Variants in CPA5 observed in about 807,000 individuals in gnomAD.
The protein encoded by CPA5 is carboxypeptidase A5.
In CPA5, 38 loss-of-function variants were observed where a neutral mutation model predicts 52.2. The observed-to-expected ratio is 0.73, with a 90% confidence interval of 0.56 to 0.95. The LOEUF (loss-of-function observed/expected upper bound fraction) is 0.95. CPA5 is among the 40% of genes least tolerant of loss of function. CPA5 has a pLI of 0.00. For synonymous variants in CPA5, 198 were observed against 213.7 expected (o/e 0.93, Z 0.64); for missense variants, 519 against 566.7 (o/e 0.92, Z 0.86).
At position 130,368,722 on chromosome 7, in the gene CPA5, T is replaced by C; in HGVS notation, c.*125T>C. On this transcript the variant is annotated 3_prime_UTR_variant, in exon 13 of 13. Coordinates refer to ENST00000474905, the MANE Select transcript of CPA5 (RefSeq NM_080385.5). ...ACCTCTTAGAAAATAAATACAAGTT[T>C]GAACAGGCTTCGCTGCCTCTCGTGT... 9.9e-7 allele frequency: 1 copy of C among 1,007,970 alleles called. No homozygotes were observed. Among genetic ancestry groups the C allele is most frequent in the South Asian group, 1.6e-5 (1 of 64,014 alleles). 62.4% of individuals were successfully genotyped at this position (1,007,970 alleles called of 1,614,324 possible). A position where few individuals can be genotyped will look rare whatever the true frequency, so the allele number is the denominator to read the frequency against.
intron 7 of CPA5, among the ~76,000 whole-genome samples, 175 bp from the exon 8 acceptor site, chr7:130,362,263 C>T: frequency 6.6e-6 from 1 of 152,194 alleles, no homozygotes; most frequent in East Asian, 1.9e-4. Flanking sequence ...TTCAAAGGCC[C>T]TCACACGTGT....
chr7:130,353,356 T>C (rs2117345984), intron 5 of CPA5, among the ~76,000 whole-genome samples: 1 of 152,230 alleles, frequency 6.6e-6, no homozygotes, highest in East Asian at 1.9e-4. Flanking sequence ...ACAGCACAAC[T>C]GGTCACTCTC....
chr7:130,351,206 C>A (rs1795120069), intron 5 of CPA5, among the ~76,000 whole-genome samples: 1 of 152,148 alleles, frequency 6.6e-6, no homozygotes, highest in Non-Finnish European at 1.5e-5. Flanking sequence ...CTAATGAAAT[C>A]CCCCACAAAC....
chr7:130,374,209 T>TGGCCTGCCGGCGTGGGACA, the CPA5 span, among the ~76,000 whole-genome samples: 1 of 152,150 alleles, frequency 6.6e-6, no homozygotes, highest in African/African-American at 2.4e-5. Flanking sequence ...TCCTCCAGCA[T>TGGCCTGCCGGCGTGGGACA]GGCCTGCCGG....
intron 3 of CPA5, among the ~76,000 whole-genome samples, chr7:130,347,170 G>T (rs879961896): frequency 1.3e-5 from 2 of 152,168 alleles, no homozygotes; most frequent in Non-Finnish European, 2.9e-5. Context: ...AGCCTGTGAG[G>T]GCACCAACCC....
At chr7:130,363,619 T>G in intron 10 of CPA5, 110 bp downstream of exon 10, 3 of 866,638 alleles carry the variant, frequency 3.5e-6, no homozygotes, top group Non-Finnish European at 3.7e-6. Flanking sequence ...CATGGGACAA[T>G]GTAGTCAGCT....
chr7:130,347,709 C>A, intron 3 of CPA5, 57 bp from the exon 4 acceptor site: 1 of 1,479,124 alleles, frequency 6.8e-7, no homozygotes, highest in East Asian at 2.3e-5. Context: ...CCAAGTGACA[C>A]AGCCTTCCAG....
intron 5 of CPA5, 36 bp downstream of exon 5, chr7:130,350,145 C>A: frequency 6.3e-7 from 1 of 1,591,552 alleles, no homozygotes; most frequent in Non-Finnish European, 8.5e-7. Flanking sequence ...CTGCCTTCCG[C>A]CTTCCTTTCT....
At chr7:130,365,585 G>A (rs1261565822) in intron 10 of CPA5, among the ~76,000 whole-genome samples, 1 of 152,244 alleles carries the variant, frequency 6.6e-6, no homozygotes, top group Non-Finnish European at 1.5e-5. Context: ...TCCATTAGCA[G>A]GTACTTGTGA....
chr7:130,344,860 C>T lies in CPA5; in HGVS notation c.-497C>T, dbSNP rs1483360189. On this transcript the variant is annotated 5_prime_UTR_variant, in exon 1 of 13. Coordinates refer to ENST00000474905, the MANE Select transcript of CPA5 (RefSeq NM_080385.5). ...TTTTACTCTTATTCTTTCTCTCTCACTCTCTCTCTTTTCCCACCCTTAAGC... is the reference window on the plus strand; with the variant it reads ...TTTTACTCTTATTCTTTCTCTCTCATTCTCTCTCTTTTCCCACCCTTAAGC... 6.6e-6 allele frequency: 1 copy of T among 152,184 alleles called. No homozygotes were observed. The highest frequency in any genetic ancestry group is 1.5e-5 in the Non-Finnish European group (1 of 68,030). The allele number at this position is 152,184 out of a possible 1,614,324, so 9.4% of individuals were successfully genotyped here. A position where few individuals can be genotyped will look rare whatever the true frequency, so the allele number is the denominator to read the frequency against.
intron 6 of CPA5, among the ~76,000 whole-genome samples, chr7:130,360,099 C>G (rs1554406211): frequency 6.6e-6 from 1 of 152,226 alleles, no homozygotes; most frequent in Non-Finnish European, 1.5e-5. Flanking sequence ...TAAATCCAGT[C>G]CTTATAGTTA....
chr7:130,359,732 C>T (rs781803316), intron 6 of CPA5, 45 bp downstream of exon 6: 2 of 1,369,462 alleles, frequency 1.5e-6, no homozygotes, highest in East Asian at 4.9e-5. Context: ...TGTCTTTGGG[C>T]CCCTTAGGGT....
chr7:130,368,743 C>T (rs1554409469), downstream of CPA5: 15 of 785,756 alleles, frequency 1.9e-5, no homozygotes, highest in Middle Eastern at 3.8e-4. Context: ...CGCTGCCTCT[C>T]GTGTTGGCTA....
rs1584839516 is a variant in CPA5, at chr7:130,367,557, A to C, written c.1024A>C (p.Asn342His). 2.5e-6 allele frequency: 4 copies of C among 1,614,012 alleles called. No homozygotes were observed. In the East Asian group the frequency reaches 8.9e-5, roughly 36 times the overall value. The change falls in exon 11 of 13, where the codon AAT becomes CAT. Residue 342 changes from asparagine (N) to histidine (H), a missense_variant. Physicochemically the swap from Asn to His is moderately conservative, Grantham distance 68 (BLOSUM62 1). Transcript: ENST00000474905. ...CGGCCGATTGCTGGAGCCCGTTTCA[A>C]ATCAGAGGGAGTTGGTGAGACTGGC... ...PYGRLLEPVS[N>H]QRELYDLAKD...
At chr7:130,373,369 T>A (rs1300338459), downstream of CPA5, among the ~76,000 whole-genome samples, 1 of 151,932 alleles carries the variant, frequency 6.6e-6, no homozygotes, top group Non-Finnish European at 1.5e-5. Flanking sequence ...TTTATGAGCA[T>A]TTATTTAAAA....
chr7:130,363,947 G>A (rs1438453598), intron 10 of CPA5, among the ~76,000 whole-genome samples: 1 of 152,160 alleles, frequency 6.6e-6, no homozygotes, highest in East Asian at 1.9e-4. Flanking sequence ...CTCTTTCCCC[G>A]AGAGCTAGGA....
intron 5 of CPA5, among the ~76,000 whole-genome samples, chr7:130,350,528 G>A (rs1470234549): frequency 1.3e-5 from 2 of 152,158 alleles, no homozygotes; most frequent in African/African-American, 4.8e-5. Context: ...ATGCCTGGGG[G>A]AACGGCTTTA....
Position 130,361,726 on chromosome 7 carries a change from C to G in CPA5, c.534+482C>G, listed in dbSNP as rs149012001. ...GAACAGAATTCAAGCAACTCAGGAC[C>G]CTGCAGTTCCTTGGGTCATGAAGGA... On this transcript the variant is annotated intron_variant, in intron 7 of 12. Coordinates refer to ENST00000474905, the MANE Select transcript of CPA5 (RefSeq NM_080385.5). 1.7e-4 allele frequency among the ~76,000 whole-genome samples: 26 copies of G among 152,258 alleles called. No homozygotes were observed. In the East Asian group the frequency reaches 5.0e-3, roughly 29 times the overall value.
At chr7:130,347,347 C>T (rs1794827282) in intron 3 of CPA5, among the ~76,000 whole-genome samples, 2 of 152,226 alleles carry the variant, frequency 1.3e-5, no homozygotes, top group African/African-American at 4.8e-5. Context: ...CCTTGGGGCC[C>T]CCTCGCGAAG....
Sources: allele counts gnomAD v4.1 joint callset (sites outside exome capture counted in the v4.1 genomes callset), GRCh38; gene constraint gnomAD v4.1.1; transcripts MANE v1.5; gene names NCBI Gene and HGNC (gene_info 2026-07-23, HGNC 2026-07-21).